RGS6: variants seen among roughly 807,000 people sequenced by gnomAD.
RGS6 encodes the protein regulator of G-protein signaling 6.
In RGS6, 30 loss-of-function variants were observed where a neutral mutation model predicts 78.5. The ratio of observed to expected loss-of-function variants is 0.38; its 90% CI spans 0.29 to 0.52. The LOEUF (loss-of-function observed/expected upper bound fraction) is 0.52, where lower values mean the gene tolerates loss of function less well. Ranked by LOEUF, RGS6 falls within the 20% of genes least tolerant of loss-of-function variation. RGS6 has a pLI of 0.85. For missense variants in RGS6, 495 were observed against 609.7 expected (o/e 0.81, Z 1.98); for synonymous variants, 206 against 206.0 (o/e 1.00, Z 0.00).
Position 72,399,365 on chromosome 14 carries a change from T to G in RGS6, c.184+47171T>G, listed in dbSNP as rs199742654. ...GACTAGGATTGCAACCCCTGCCTTT[T>G]TTTGTTTTCCATTTGCTTGGTAGAT... is the stretch of plus-strand genomic sequence containing the variant. On this transcript the variant is annotated intron_variant, in intron 3 of 17. Transcript: ENST00000553525. 7.6e-3 allele frequency among the ~76,000 whole-genome samples: 1,154 copies of G among 152,214 alleles called. 39 individuals are homozygous for G. The highest frequency in any genetic ancestry group is 0.05 in the East Asian group (257 of 5,178).
chr14:72,095,281 A>C (rs1375496069), intron 2 of RGS6, among the ~76,000 whole-genome samples: 5 of 152,154 alleles, frequency 3.3e-5, no homozygotes, highest in Admixed American at 2.6e-4. Context: ...TGGTGGTTTT[A>C]GCAAGTAGGT....
At chr14:71,940,740 A>G (rs1157185024) in intron 1 of RGS6, among the ~76,000 whole-genome samples, 1 of 152,220 alleles carries the variant, frequency 6.6e-6, no homozygotes, top group African/African-American at 2.4e-5. Context: ...TCTGACATAC[A>G]GAGAATGGCA....
intron 2 of RGS6, among the ~76,000 whole-genome samples, chr14:72,231,055 A>T (rs1052937850): frequency 6.6e-6 from 1 of 152,140 alleles, no homozygotes; most frequent in Non-Finnish European, 1.5e-5. Flanking sequence ...TGTTAAACTG[A>T]TTGATGATTG....
At chr14:71,960,450 G>A (rs2093108941) in intron 1 of RGS6, among the ~76,000 whole-genome samples, 1 of 152,178 alleles carries the variant, frequency 6.6e-6, no homozygotes. Context: ...TCTTCTGGAA[G>A]GAGGACACTG....
rs181490174 is a variant in RGS6 at position 72,081,905 on chromosome 14, C to T, written c.84+117030C>T. 1.6e-3 allele frequency among the ~76,000 whole-genome samples: 241 copies of T among 151,730 alleles called. 2 individuals are homozygous for T. The highest frequency in any genetic ancestry group is 4.0e-4 in the Non-Finnish European group (27 of 67,890). On this transcript the variant is annotated intron_variant, in intron 2 of 17. Coordinates refer to ENST00000553525, the MANE Select transcript of RGS6 (RefSeq NM_001204424.2). ...AATGTAGAAAGTACAGAAAATAATG[C>T]GGAAAGTTCTCATTTAGCCCAAGCA...
At chr14:72,086,285 T>C (rs1456476800) in intron 2 of RGS6, among the ~76,000 whole-genome samples, 3 of 152,006 alleles carry the variant, frequency 2.0e-5, no homozygotes, top group Non-Finnish European at 4.4e-5. Context: ...GTGCCCTCCA[T>C]TGGTCTAAAG....
intron 2 of RGS6, among the ~76,000 whole-genome samples, chr14:72,260,628 A>G (rs532934068): frequency 2.0e-5 from 3 of 152,316 alleles, no homozygotes; most frequent in Admixed American, 6.5e-5. Context: ...CCCCAAGCCA[A>G]GAGAGAAGAG....
chr14:71,895,841 G>A, the RGS6 span, among the ~76,000 whole-genome samples: 1 of 152,188 alleles, frequency 6.6e-6, no homozygotes, highest in African/African-American at 2.4e-5. Context: ...CCTGCCAGGA[G>A]CTGAGTCTTG....
intron 1 of RGS6, among the ~76,000 whole-genome samples, chr14:71,964,294 G>A (rs531324935): frequency 2.6e-5 from 4 of 152,156 alleles, no homozygotes; most frequent in Non-Finnish European, 5.9e-5. Context: ...ATCACCTAAC[G>A]TCAGAAGTTT....
At chr14:71,867,812 G>A in the RGS6 span, among the ~76,000 whole-genome samples, 2 of 152,102 alleles carry the variant, frequency 1.3e-5, no homozygotes, top group African/African-American at 4.8e-5. Context: ...TTGGGTTGAT[G>A]AGGTAGGGGA....
chr14:72,388,317 T>A (rs1324175625), intron 3 of RGS6, among the ~76,000 whole-genome samples: 2 of 152,158 alleles, frequency 1.3e-5, no homozygotes, highest in African/African-American at 4.8e-5. Flanking sequence ...AAGGCAGAGA[T>A]CATCTGTGAC....
chr14:72,338,577 G>A (rs1448450041), intron 2 of RGS6, among the ~76,000 whole-genome samples: 2 of 152,264 alleles, frequency 1.3e-5, no homozygotes, highest in Non-Finnish European at 2.9e-5. Flanking sequence ...TTAGTGCAGA[G>A]TTGGTTAATG....
At position 72,247,836 on chromosome 14, in the gene RGS6, G is replaced by A. The variant is rs367612709; in HGVS notation, c.85-104259G>A. 5.9e-5 allele frequency among the ~76,000 whole-genome samples: 9 copies of A among 152,114 alleles called. No individual in the cohort carries two copies. The South Asian group carries it at 1.9e-3, about 32-fold the overall frequency. ...TCTTATTCTTCTGCCTTTCACTGTG[G>A]GATAACACAACATAAAGACCCTCAC... On this transcript the variant is annotated intron_variant, in intron 2 of 17. Coordinates refer to ENST00000553525, the MANE Select transcript of RGS6 (RefSeq NM_001204424.2).
chr14:72,311,930 G>A (rs1222214799), intron 2 of RGS6, among the ~76,000 whole-genome samples: 1 of 152,176 alleles, frequency 6.6e-6, no homozygotes, highest in Non-Finnish European at 1.5e-5. Context: ...GATTGCAAGG[G>A]TCAAGATCGA....
intron 2 of RGS6, among the ~76,000 whole-genome samples, chr14:72,236,980 G>A (rs1567545713): frequency 6.6e-6 from 1 of 152,142 alleles, no homozygotes. Flanking sequence ...TCCACCCTAC[G>A]TGCACGCAGA....
the RGS6 span, among the ~76,000 whole-genome samples, chr14:71,868,776 CCT>C: frequency 6.6e-6 from 1 of 152,174 alleles, no homozygotes; most frequent in Non-Finnish European, 1.5e-5. Context: ...AACCCCTTGG[CCT>C]CTCGTCCTAC....
intron 2 of RGS6, among the ~76,000 whole-genome samples, chr14:72,111,590 A>C (rs1406918929): frequency 6.6e-6 from 1 of 152,242 alleles, no homozygotes; most frequent in Non-Finnish European, 1.5e-5. Context: ...TAAAAGGCCT[A>C]GTAAACTTCT....
chr14:71,976,241 GTTTA>G (rs1322252424), intron 2 of RGS6, among the ~76,000 whole-genome samples: 49 of 144,614 alleles, frequency 3.4e-4, no homozygotes, highest in African/African-American at 5.6e-4. Context: ...TTGTTCTTCT[GTTTA>G]TTTATTTTAT....
chr14:72,425,327 C>T (rs1254058280), intron 3 of RGS6, among the ~76,000 whole-genome samples: 6 of 152,028 alleles, frequency 3.9e-5, no homozygotes, highest in South Asian at 2.1e-4. Context: ...TTAGTAGAGA[C>T]GGGGTTTCAC....
Sources: gnomAD v4.1 joint callset for allele counts (sites outside exome capture counted in the v4.1 genomes callset) on GRCh38, gnomAD v4.1.1 for gene constraint, MANE v1.5 for transcripts, NCBI Gene and HGNC (gene_info 2026-07-23, HGNC 2026-07-21) for gene names.